The following DHH variants were observed in gnomAD, a reference collection of about 807,000 sequenced individuals.
DHH encodes the protein desert hedgehog signaling molecule, also known as desert hedgehog protein.
In DHH, 16 loss-of-function variants were observed where a neutral mutation model predicts 27.6. The ratio of observed to expected loss-of-function variants is 0.58; its 90% confidence interval spans 0.39 to 0.88. The LOEUF is 0.88. Ranked by LOEUF, DHH falls within the 40% of genes least tolerant of loss-of-function variation. The pLI is 0.00. For missense variants in DHH, 436 were observed against 563.1 expected (o/e 0.77, Z 2.28); for synonymous variants, 289 against 263.4 (o/e 1.10, Z -0.94).
Position 49,094,354 on chromosome 12 carries a change from T to C in DHH, c.159A>G (p.Pro53=), listed in dbSNP as rs772319373. Residue 53 remains proline, a synonymous_variant, in exon 1 of 3, where the codon CCA becomes CCG. Transcript: ENST00000649637. ...LLYKQFVPGV[P]ERTLGASGPA... ...GCCCACTGGCGCCCAGGGTCCGCTCTGGCACGCCGGGCACAAATTGCTTGT... is the reference window on the plus strand; with the variant it reads ...GCCCACTGGCGCCCAGGGTCCGCTCCGGCACGCCGGGCACAAATTGCTTGT... 8.1e-6 allele frequency: 13 copies of C among 1,613,064 alleles called. 1 individual carries two copies. The East Asian group carries it at 2.9e-4, about 36-fold the overall frequency.
At position 49,094,419 on chromosome 12, in the gene DHH, G is replaced by C. The variant is rs1197153692; in HGVS notation, c.94C>G (p.Arg32Gly). The change falls in exon 1 of 3, where the codon CGG becomes GGG. Residue 32 changes from arginine to glycine, a missense_variant. Physicochemically the swap from Arg to Gly is moderately radical, Grantham distance 125 (BLOSUM62 -2). Transcript: ENST00000649637. Reference protein sequence around the residue: ...SCGPGRGPVGRRRYARKQLVP... With the variant: ...SCGPGRGPVGGRRYARKQLVP... ...AGCTGCTTGCGCGCATAGCGGCGCCGGCCAACCGGCCCCCGGCCCGGCCCG... is the reference window on the plus strand; with the variant it reads ...AGCTGCTTGCGCGCATAGCGGCGCCCGCCAACCGGCCCCCGGCCCGGCCCG... 1.2e-6 allele frequency: 2 copies of C among 1,609,002 alleles called. No homozygotes were observed. The highest frequency in any genetic ancestry group is 1.7e-6 in the Non-Finnish European group (2 of 1,178,166).
Position 49,094,340 on chromosome 12 carries a change from C to G in DHH, c.173G>C (p.Gly58Ala), listed in dbSNP as rs749218781. ...FVPGVPERTL[G>A]ASGPAEGRVA... is the part of the protein sequence containing the mutation. ...CCTCCCCTCCGCTGGCCCACTGGCGCCCAGGGTCCGCTCTGGCACGCCGGG... is the reference window on the plus strand; with the variant it reads ...CCTCCCCTCCGCTGGCCCACTGGCGGCCAGGGTCCGCTCTGGCACGCCGGG... The change falls in exon 1 of 3, where the codon GGC becomes GCC. Residue 58 changes from glycine (G) to alanine (A), a missense_variant. Transcript: ENST00000649637. The G allele has an allele frequency of 6.2e-7, 1 of 1,613,068 alleles. No individual in the cohort carries two copies. Among genetic ancestry groups the G allele is most frequent in the East Asian group, 2.2e-5 (1 of 44,892 alleles).
rs749433876 is a variant in DHH at position 49,091,853 on chromosome 12, G to C, written c.304-464C>G. 6.6e-6 allele frequency among the ~76,000 whole-genome samples: 1 copy of C among 152,060 alleles called. No homozygotes were observed. The highest frequency in any genetic ancestry group is 2.1e-4 in the South Asian group (1 of 4,824). ...ATTGCCTTCCCTGGCACCGGGCATCGCTTCCTTCCTTCCTTCCTCCTCCTC... is the reference window on the plus strand; with the variant it reads ...ATTGCCTTCCCTGGCACCGGGCATCCCTTCCTTCCTTCCTTCCTCCTCCTC... On this transcript the variant is annotated intron_variant, in intron 1 of 2. Transcript: ENST00000649637. This position sits in a 1 kb window ranked among gnomAD's most constrained non-coding sequence, Gnocchi z 4.8.
chr12:49,090,559 A>G lies in DHH; in HGVS notation c.566-75T>C, dbSNP rs764865344. On this transcript the variant is annotated intron_variant, in intron 2 of 2. Transcript: ENST00000649637. This position sits in a 1 kb window ranked among gnomAD's most constrained non-coding sequence, Gnocchi z 5.2. ...AACGATTCTCAAGGCCAGCGCAGATATCGCCAGTCATGGACAACACAATTT... is the reference window on the plus strand; with the variant it reads ...AACGATTCTCAAGGCCAGCGCAGATGTCGCCAGTCATGGACAACACAATTT... 4.7e-4 allele frequency: 733 copies of G among 1,558,338 alleles called. 3 individuals are homozygous for G. The highest frequency in any genetic ancestry group is 1.4e-3 in the Middle Eastern group (6 of 4,392).
chr12:49,088,236 G>A lies in DHH; in HGVS notation c.*1623C>T, dbSNP rs572644049. Among the ~76,000 whole-genome samples, 2 of 152,120 alleles carry A rather than the reference G, an allele frequency of 1.3e-5. No homozygotes were observed. The highest frequency in any genetic ancestry group is 2.4e-5 in the African/African-American group (1 of 41,426). ...CATGGTTTGGAACGACTTGCCCAAG[G>A]AGAAGCAGGTGGACTCCTTGACAGC... is the stretch of plus-strand genomic sequence containing the variant. On this transcript the variant is annotated 3_prime_UTR_variant, in exon 3 of 3. Coordinates refer to ENST00000649637, the MANE Select transcript of DHH (RefSeq NM_021044.4).
rs560772915 is a variant in DHH, at chr12:49,090,901, C to A, written c.565+227G>T. The stretch of plus-strand genomic sequence containing the variant: ...ATTTATAATAGAGACGGGATTTCAC[C>A]ATGTTGGCTAGGCTGATCTCGAACT... On this transcript the variant is annotated intron_variant, in intron 2 of 2. Transcript: ENST00000649637. The surrounding 1 kb of genome is among the most constrained non-coding windows in gnomAD (Gnocchi z 5.2). Among the ~76,000 whole-genome samples the A allele has an allele frequency of 1.3e-4, 20 of 152,278 alleles. 1 individual carries two copies. The East Asian group carries it at 3.9e-3, about 29-fold the overall frequency.
chr12:49,094,695 G>A lies in DHH; in HGVS notation c.-183C>T. The A allele has an allele frequency of 1.3e-6, 1 of 752,282 alleles. No individual in the cohort carries two copies. The allele number at this position is 752,282 out of a possible 1,614,324, so 46.6% of individuals were successfully genotyped here. ...CTGCCCACGTGCCCCGGGAGCGGGCGGGGGGTGTCTAGGACCTGCTACTGA... is the reference window on the plus strand; with the variant it reads ...CTGCCCACGTGCCCCGGGAGCGGGCAGGGGGTGTCTAGGACCTGCTACTGA... On this transcript the variant is annotated 5_prime_UTR_variant, in exon 1 of 3. Transcript: ENST00000649637.
chr12:49,087,222 C>T lies in DHH; in HGVS notation c.*2637G>A, dbSNP rs1321697564. Among the ~76,000 whole-genome samples, 1 of 149,714 alleles carries T rather than the reference C, an allele frequency of 6.7e-6. No homozygotes were observed. The highest frequency in any genetic ancestry group is 2.0e-4 in the East Asian group (1 of 5,128). On this transcript the variant is annotated 3_prime_UTR_variant, in exon 3 of 3. Coordinates refer to ENST00000649637, the MANE Select transcript of DHH (RefSeq NM_021044.4). The stretch of plus-strand genomic sequence containing the variant: ...TTTTTTTTTTGAGAGTTAGGAGGGG[C>T]CTCAAAGGAATAAAGATAATAAAGG...
In DHH at chr12:49,090,253, AAC is replaced by A. The variant is rs1215670927; in HGVS notation, c.795_796del (p.Leu266AlafsTer150). 1 of 1,567,022 alleles carries A rather than the reference AAC, an allele frequency of 6.4e-7. No homozygotes were observed. Among genetic ancestry groups the A allele is most frequent in the African/African-American group, 1.4e-5 (1 of 74,036 alleles). On this transcript the variant is annotated frameshift_variant, in exon 3 of 3. Transcript: ENST00000649637. LOFTEE classifies it high-confidence loss of function. The surrounding 1 kb of genome is among the most constrained non-coding windows in gnomAD (Gnocchi z 5.2). ...AAACACCAGGTGCCAGGGCGTGAGC[AAC>A]AGTTTGCGTGGAGGCCACTCGGTCT...
rs1475263668 is a variant in DHH at position 49,090,979 on chromosome 12, G to T, written c.565+149C>A. The stretch of plus-strand genomic sequence containing the variant: ...GGCCTCCCAAAGTGCTGGGATTAGA[G>T]GCGTGAGGCACCGCCTCGGCCTGGA... On this transcript the variant is annotated intron_variant, in intron 2 of 2. Coordinates refer to ENST00000649637, the MANE Select transcript of DHH (RefSeq NM_021044.4). This position sits in a 1 kb window ranked among gnomAD's most constrained non-coding sequence, Gnocchi z 5.2. 4 of 1,206,354 alleles carry T rather than the reference G, an allele frequency of 3.3e-6. No homozygotes were observed. In the Admixed American group the frequency reaches 6.9e-5, roughly 21 times the overall value. 74.7% of individuals were successfully genotyped at this position (1,206,354 alleles called of 1,614,324 possible). A position where few individuals can be genotyped will look rare whatever the true frequency, so the allele number is the denominator to read the frequency against.
At chr12:49,092,770 C>T (rs1939328664) in intron 1 of DHH, 2 of 152,290 alleles carry the variant, frequency 1.3e-5, no homozygotes, top group African/African-American at 4.8e-5. Flanking sequence ...ACTGAGGGGG[C>T]TCCCAGGCCT....
chr12:49,094,518 C>G lies in DHH; in HGVS notation c.-6G>C. The G allele has an allele frequency of 6.4e-7, 1 of 1,552,066 alleles. No individual in the cohort carries two copies. Among genetic ancestry groups the G allele is most frequent in the African/African-American group, 1.4e-5 (1 of 73,210 alleles). ...AGATTGGTCAGGAGAGCCATGGATA[C>G]AGCGGACCTCGGCCAAAAGGGAGCG... On this transcript the variant is annotated 5_prime_UTR_variant, in exon 1 of 3. Transcript: ENST00000649637.
chr12:49,093,771 G>A (rs914361196), intron 1 of DHH, among the ~76,000 whole-genome samples: 1 of 152,264 alleles, frequency 6.6e-6, no homozygotes, highest in East Asian at 1.9e-4. Context: ...GCCCTTTTCA[G>A]TCTCTTCTTT....
rs1939289214 is a variant in DHH, at chr12:49,090,840, T to C, written c.565+288A>G. 6.6e-6 allele frequency among the ~76,000 whole-genome samples: 1 copy of C among 152,142 alleles called. No individual in the cohort carries two copies. The highest frequency in any genetic ancestry group is 2.4e-5 in the African/African-American group (1 of 41,410). On this transcript the variant is annotated intron_variant, in intron 2 of 2. Coordinates refer to ENST00000649637, the MANE Select transcript of DHH (RefSeq NM_021044.4). This position sits in a 1 kb window ranked among gnomAD's most constrained non-coding sequence, Gnocchi z 5.2. Reference sequence around the variant, plus strand: ...CCTCAGCCTCACGAGTAGCCGGGATTACAGGCATACACCACCACGCCCAAC... The same window carrying C: ...CCTCAGCCTCACGAGTAGCCGGGATCACAGGCATACACCACCACGCCCAAC...
At position 49,091,364 on chromosome 12, in the gene DHH, A is replaced by G; in HGVS notation, c.329T>C (p.Leu110Ser). The change falls in exon 2 of 3, where the codon TTG becomes TCG. Residue 110 changes from leucine to serine, a missense_variant. Coordinates refer to ENST00000649637, the MANE Select transcript of DHH (RefSeq NM_021044.4). This position sits in a 1 kb window ranked among gnomAD's most constrained non-coding sequence, Gnocchi z 4.8. ...TERCKERVNA[L>S]AIAVMNMWPG... ...CCACATGTTCATCACGGCAATGGCC[A>G]AAGCGTTCACCCGCTCCTTACAACG... is the stretch of plus-strand genomic sequence containing the variant. 2.5e-6 allele frequency: 4 copies of G among 1,614,200 alleles called. No individual in the cohort carries two copies. The highest frequency in any genetic ancestry group is 3.4e-6 in the Non-Finnish European group (4 of 1,180,034).
At position 49,088,816 on chromosome 12, in the gene DHH, A is replaced by G. The variant is rs1177657726; in HGVS notation, c.*1043T>C. On this transcript the variant is annotated 3_prime_UTR_variant, in exon 3 of 3. Transcript: ENST00000649637. ...ATGCTGATATGCCCTTGTTTAGGGA[A>G]TCTACTTCCCCCACATACACCCAGG... 6.6e-6 allele frequency among the ~76,000 whole-genome samples: 1 copy of G among 152,158 alleles called. No individual in the cohort carries two copies. The highest frequency in any genetic ancestry group is 6.5e-5 in the Admixed American group (1 of 15,270).
intron 1 of DHH, chr12:49,092,166 C>G (rs910035985): frequency 6.6e-6 from 1 of 152,570 alleles, no homozygotes; most frequent in Non-Finnish European, 1.5e-5. Flanking sequence ...ATCCCTGCTC[C>G]GTCCGGGTAG....
intron 1 of DHH, 125 bp downstream of exon 1, chr12:49,094,085 G>T: frequency 8.9e-7 from 1 of 1,129,544 alleles, no homozygotes; most frequent in Non-Finnish European, 1.3e-6. Context: ...CCTGGGGCTG[G>T]TGACAAGGGA....
Position 49,091,210 on chromosome 12 carries a change from C to T in DHH, c.483G>A (p.Leu161=). 6.2e-7 allele frequency: 1 copy of T among 1,614,252 alleles called. No individual in the cohort carries two copies. Among genetic ancestry groups the T allele is most frequent in the Non-Finnish European group, 8.5e-7 (1 of 1,180,044 alleles). Residue 161 remains leucine (L), a synonymous_variant, in exon 2 of 3, where the codon TTG becomes TTA. Transcript: ENST00000649637. This position sits in a 1 kb window ranked among gnomAD's most constrained non-coding sequence, Gnocchi z 4.8. ...CGGCTTCCACTGCGAGGCGCGCCAG[C>T]AACCCATACTTGTTGCGGTCGCGGT... ...TSDRDRNKYG[L]LARLAVEAGF...
Sources: gnomAD v4.1 joint callset for allele counts (sites outside exome capture counted in the v4.1 genomes callset) on GRCh38, gnomAD v4.1.1 for gene constraint, Gnocchi (gnomAD v3.1) non-coding constraint, MANE v1.5 for transcripts, NCBI Gene and HGNC (gene_info 2026-07-23, HGNC 2026-07-21) for gene names.